The following GTF2E2 variants were observed in gnomAD, a reference collection of about 807,000 sequenced individuals.
GTF2E2 encodes the protein transcription initiation factor IIE subunit beta.
A neutral mutation model predicts 40.5 loss-of-function variants in GTF2E2; 21 were observed. The ratio of observed to expected loss-of-function variants is 0.52; its 90% CI spans 0.37 to 0.75. The LOEUF (loss-of-function observed/expected upper bound fraction) is 0.75, where lower values mean the gene tolerates loss of function less well. Among genes scored for constraint, GTF2E2 ranks in the 30% least tolerant of loss-of-function variants. The probability of loss-of-function intolerance (pLI) is 0.00; values close to 1 mark genes in which losing one functional copy is unlikely to be tolerated. For missense variants in GTF2E2, 298 were observed against 338.4 expected (o/e 0.88, Z 0.94); for synonymous variants, 117 against 121.6 (o/e 0.96, Z 0.25).
chr8:30,584,210 T>G (rs117845013), intron 6 of GTF2E2, among the ~76,000 whole-genome samples: 1 of 150,198 alleles, frequency 6.7e-6, no homozygotes, highest in East Asian at 1.9e-4. Flanking sequence ...TTTTTTTTTT[T>G]CCTCCAGTTT....
rs140928653 is a variant in GTF2E2, at chr8:30,599,450, G to A, written c.643+7607C>T. On this transcript the variant is annotated intron_variant, in intron 6 of 7. Coordinates refer to ENST00000355904, the MANE Select transcript of GTF2E2 (RefSeq NM_002095.6). ...AAAAATTAGCCAGGCATGGTGGTACGTACTTCTAATCCCAGCTACTCGGGA... is the reference window on the plus strand; with the variant it reads ...AAAAATTAGCCAGGCATGGTGGTACATACTTCTAATCCCAGCTACTCGGGA... Among the ~76,000 whole-genome samples the A allele has an allele frequency of 6.8e-4, 103 of 152,070 alleles. 2 individuals carry two copies. In the East Asian group the frequency reaches 0.016, roughly 24 times the overall value.
chr8:30,632,169 T>A (rs113019674), intron 3 of GTF2E2, among the ~76,000 whole-genome samples: 80 of 152,320 alleles, frequency 5.3e-4, no homozygotes, highest in Middle Eastern at 3.4e-3. Context: ...TTGCTTCATA[T>A]TTTAACTGAT....
chr8:30,629,125 A>G lies in GTF2E2; in HGVS notation c.258+5907T>C, dbSNP rs898771756. On this transcript the variant is annotated intron_variant, in intron 3 of 7. Coordinates refer to ENST00000355904, the MANE Select transcript of GTF2E2 (RefSeq NM_002095.6). ...ATATATTCATATCTTATATTTGAAC[A>G]GATTAAATTGGTTCATATATTTTAA... Among the ~76,000 whole-genome samples the G allele has an allele frequency of 2.4e-4, 36 of 152,188 alleles. 1 individual carries two copies. The highest frequency in any genetic ancestry group is 2.9e-5 in the Non-Finnish European group (2 of 68,042).
intron 3 of GTF2E2, among the ~76,000 whole-genome samples, chr8:30,625,978 A>AC: frequency 6.6e-6 from 1 of 152,206 alleles, no homozygotes; most frequent in Non-Finnish European, 1.5e-5. Context: ...AAACAAAAGC[A>AC]TAGTAGGCTG....
chr8:30,634,977 C>T lies in GTF2E2; in HGVS notation c.258+55G>A, dbSNP rs545626802. ...ATTTAACTTCTGAAAACCCTAATCT[C>T]CTTCTTTTGCCAAAAAGTTAAATAG... On this transcript the variant is annotated intron_variant, in intron 3 of 7. Transcript: ENST00000355904. The T allele has an allele frequency of 1.3e-3, 1,176 of 929,792 alleles. 6 individuals carry two copies. Among genetic ancestry groups the T allele is most frequent in the Middle Eastern group, 0.011 (51 of 4,482 alleles). The allele number at this position is 929,792 out of a possible 1,614,324, so 57.6% of individuals were successfully genotyped here.
At chr8:30,606,062 G>T (rs1284533753) in intron 6 of GTF2E2, among the ~76,000 whole-genome samples, 6 of 152,200 alleles carry the variant, frequency 3.9e-5, no homozygotes, top group Non-Finnish European at 8.8e-5. Context: ...CAGTACTGAA[G>T]TCTTTGTTCA....
At position 30,645,227 on chromosome 8, in the gene GTF2E2, G is replaced by A. The variant is rs1031338707; in HGVS notation, c.166+8206C>T. On this transcript the variant is annotated intron_variant, in intron 2 of 7. Coordinates refer to ENST00000355904, the MANE Select transcript of GTF2E2 (RefSeq NM_002095.6). ...CTAAGAAATCTTAGTACTGAGATTT[G>A]AATTAACAGATCTGTAGTTTGCTAC... 11 of 1,350,200 alleles carry A rather than the reference G, an allele frequency of 8.1e-6. No homozygotes were observed. In the South Asian group the frequency reaches 1.4e-4, roughly 17 times the overall value. The allele number at this position is 1,350,200 out of a possible 1,614,324, so 83.6% of individuals were successfully genotyped here.
At chr8:30,599,528 G>A (rs193166275) in intron 6 of GTF2E2, among the ~76,000 whole-genome samples, 3 of 149,696 alleles carry the variant, frequency 2.0e-5, no homozygotes, top group Admixed American at 6.7e-5. Context: ...GCAGTAAGCC[G>A]AGACTGTGCC....
chr8:30,634,064 A>T (rs566644634), intron 3 of GTF2E2, among the ~76,000 whole-genome samples: 1 of 152,236 alleles, frequency 6.6e-6, no homozygotes, highest in South Asian at 2.1e-4. Flanking sequence ...CTAATCGTGA[A>T]TAAGAGTTTG....
intron 3 of GTF2E2, among the ~76,000 whole-genome samples, chr8:30,616,460 T>C (rs1800920719): frequency 6.8e-6 from 1 of 147,672 alleles, no homozygotes; most frequent in Non-Finnish European, 1.5e-5. Context: ...ATTTTAAAAA[T>C]TAAAAATTAA....
At chr8:30,609,652 A>G (rs768360965) in intron 5 of GTF2E2, among the ~76,000 whole-genome samples, 2 of 152,212 alleles carry the variant, frequency 1.3e-5, no homozygotes, top group Admixed American at 6.5e-5. Flanking sequence ...AAAAATTTAT[A>G]TCAAATCTCA....
At chr8:30,645,688 C>A in intron 2 of GTF2E2, 2 of 1,251,476 alleles carry the variant, frequency 1.6e-6, no homozygotes, top group South Asian at 1.6e-5. Context: ...TGCTACAAAA[C>A]AAATTCTGAC....
At chr8:30,585,993 G>A (rs1204163372) in intron 6 of GTF2E2, among the ~76,000 whole-genome samples, 1 of 152,012 alleles carries the variant, frequency 6.6e-6, no homozygotes, top group Non-Finnish European at 1.5e-5. Context: ...GAGGTGGGAA[G>A]AGAGCTTGAA....
intron 2 of GTF2E2, among the ~76,000 whole-genome samples, chr8:30,651,339 G>A (rs2128730339): frequency 6.6e-6 from 1 of 151,976 alleles, no homozygotes; most frequent in Non-Finnish European, 1.5e-5. Context: ...AACAAGTTCA[G>A]TCAGGTTACA....
intron 3 of GTF2E2, among the ~76,000 whole-genome samples, chr8:30,626,282 C>T (rs1563496072): frequency 2.0e-5 from 3 of 152,104 alleles, no homozygotes; most frequent in African/African-American, 7.2e-5. Flanking sequence ...GTCAAGAGAT[C>T]GAGACCATCC....
chr8:30,604,102 A>G (rs1039163816), intron 6 of GTF2E2, among the ~76,000 whole-genome samples: 16 of 152,174 alleles, frequency 1.1e-4, no homozygotes, highest in Non-Finnish European at 1.6e-4. Flanking sequence ...TACTATTCTC[A>G]TAAGGAATGA....
At chr8:30,590,207 G>C (rs1828805069) in intron 6 of GTF2E2, among the ~76,000 whole-genome samples, 1 of 152,150 alleles carries the variant, frequency 6.6e-6, no homozygotes, top group Admixed American at 6.5e-5. Flanking sequence ...TTTCGAATCT[G>C]GCTTCCCTCA....
chr8:30,611,940 T>C (rs947601781), intron 5 of GTF2E2, among the ~76,000 whole-genome samples: 3 of 152,232 alleles, frequency 2.0e-5, no homozygotes, highest in Non-Finnish European at 4.4e-5. Flanking sequence ...CATGTTTTAA[T>C]GCCTCTAGTT....
intron 3 of GTF2E2, 146 bp downstream of exon 3, chr8:30,634,886 A>G (rs1801539849): frequency 1.7e-6 from 1 of 589,600 alleles, no homozygotes; most frequent in Non-Finnish European, 3.0e-6. Context: ...TTGAGGTATA[A>G]TTGGCATACA....
Sources: gnomAD v4.1 joint callset for allele counts (sites outside exome capture counted in the v4.1 genomes callset) on GRCh38, gnomAD v4.1.1 for gene constraint, MANE v1.5 for transcripts, NCBI Gene and HGNC (gene_info 2026-07-23, HGNC 2026-07-21) for gene names.